The following SMYD1 variants were observed in gnomAD, a reference collection of about 807,000 sequenced individuals.
The protein encoded by SMYD1 is histone-lysine N-methyltransferase SMYD1.
SMYD1 carries 49 observed loss-of-function variants against 54.0 expected under a neutral mutation model. The observed-to-expected ratio is 0.91, with a 90% confidence interval of 0.72 to 1.15. SMYD1 has a LOEUF of 1.15. SMYD1 is among the 50% of genes most tolerant of loss of function. The pLI is 0.00. For synonymous variants in SMYD1, 269 were observed against 234.2 expected, an observed-to-expected ratio of 1.15 and a Z score of -1.36; for missense variants, 653 against 639.6, an observed-to-expected ratio of 1.02 and a Z score of -0.23.
chr2:88,084,171 T>C, intron 1 of SMYD1, 145 bp from the exon 2 acceptor site: 1 of 625,926 alleles, frequency 1.6e-6, no homozygotes, highest in South Asian at 4.4e-5. Flanking sequence ...AGGCTCAAAC[T>C]CCTCATTTTG....
Position 88,103,071 on chromosome 2 carries a change from T to C in SMYD1, c.902T>C (p.Val301Ala). Residue 301 changes from valine to alanine, a missense_variant, in exon 7 of 10, where the codon GTG becomes GCG. By Grantham distance (64) the Val-to-Ala change is moderately conservative (BLOSUM62 0). Coordinates refer to ENST00000419482, the MANE Select transcript of SMYD1 (RefSeq NM_198274.4). ...VKDNPKPSQE[V>A]VKEMIQFSKD... is the part of the protein sequence containing the mutation. The stretch of plus-strand genomic sequence containing the variant: ...TCTCTTTCCCAGCCCTCTCAGGAAG[T>C]GGTGAAGGAGATGATACAATTCTCC... The C allele has an allele frequency of 6.2e-7, 1 of 1,613,962 alleles. No individual in the cohort carries two copies. Among genetic ancestry groups the C allele is most frequent in the Non-Finnish European group, 8.5e-7 (1 of 1,179,946 alleles).
In SMYD1 at chr2:88,092,110, A is replaced by AAAAGAGG. The variant is rs547101940; in HGVS notation, c.659+971_659+977dup. ...CCAGCCAGCTGGCACCATGGCTCAG[A>AAAAGAGG]AAAGAGGAAGCCAATGGACTAGATA... On this transcript the variant is annotated intron_variant, in intron 4 of 9. Transcript: ENST00000419482. Among the ~76,000 whole-genome samples the AAAAGAGG allele has an allele frequency of 3.0e-4, 45 of 152,200 alleles. 1 individual carries two copies. In the East Asian group the frequency reaches 8.3e-3, roughly 28 times the overall value.
At chr2:88,084,628 C>T (rs1301478559) in intron 2 of SMYD1, 136 bp downstream of exon 2, 7 of 722,464 alleles carry the variant, frequency 9.7e-6, no homozygotes, top group Non-Finnish European at 1.3e-5. Flanking sequence ...TGGATATGGT[C>T]ACTTCTCTTC....
At chr2:88,068,843 CATTTT>C (rs1426234563) in intron 1 of SMYD1, among the ~76,000 whole-genome samples, 41 of 152,214 alleles carry the variant, frequency 2.7e-4, no homozygotes, top group African/African-American at 8.7e-4. Flanking sequence ...AAATATATGA[CATTTT>C]ATTTATCCAT....
intron 3 of SMYD1, 90 bp downstream of exon 3, chr2:88,088,165 G>A (rs1176360642): frequency 1.4e-6 from 2 of 1,379,446 alleles, no homozygotes; most frequent in South Asian, 1.5e-5. Flanking sequence ...CTTCTCAGAA[G>A]TGAACTAAGA....
chr2:88,072,184 T>C (rs1673963061), intron 1 of SMYD1, among the ~76,000 whole-genome samples: 1 of 152,208 alleles, frequency 6.6e-6, no homozygotes, highest in Non-Finnish European at 1.5e-5. Flanking sequence ...GAAATCTTGC[T>C]CTGTCAGCCA....
At chr2:88,084,269 C>G in intron 1 of SMYD1, 47 bp from the exon 2 acceptor site, 3 of 1,502,042 alleles carry the variant, frequency 2.0e-6, no homozygotes, top group Non-Finnish European at 1.8e-6. Flanking sequence ...TGCAGGGTGC[C>G]CTTTCCACTG....
chr2:88,103,739 CT>C (rs1674783109), intron 7 of SMYD1, among the ~76,000 whole-genome samples: 2 of 152,146 alleles, frequency 1.3e-5, no homozygotes, highest in Admixed American at 1.3e-4. Flanking sequence ...CCGAGACCCA[CT>C]GCCAAACACT....
Position 88,084,441 on chromosome 2 carries a change from A to G in SMYD1, c.263A>G (p.Asn88Ser), listed in dbSNP as rs149727054. 15 of 1,606,402 alleles carry G rather than the reference A, an allele frequency of 9.3e-6. No homozygotes were observed. The highest frequency in any genetic ancestry group is 5.3e-5 in the African/African-American group (4 of 74,878). ...AAGGATGCTTGGCTGAACCACAAGA[A>G]TGAATGTTCGGCCATCAAGAGATAT... ...CQKDAWLNHK[N>S]ECSAIKRYGK... The change falls in exon 2 of 10, where the codon AAT (asparagine) becomes AGT (serine). Residue 88 changes from asparagine (N) to serine (S), a missense_variant. By Grantham distance (46) the Asn-to-Ser change is conservative. Coordinates refer to ENST00000419482, the MANE Select transcript of SMYD1 (RefSeq NM_198274.4).
chr2:88,069,845 ATCT>A (rs1673907900), intron 1 of SMYD1, among the ~76,000 whole-genome samples: 1 of 152,202 alleles, frequency 6.6e-6, no homozygotes, highest in Non-Finnish European at 1.5e-5. Context: ...TAATTTTGAC[ATCT>A]TCTGTGCTAT....
intron 4 of SMYD1, among the ~76,000 whole-genome samples, chr2:88,091,862 T>C (rs1297069738): frequency 6.6e-6 from 1 of 152,048 alleles, no homozygotes; most frequent in Non-Finnish European, 1.5e-5. Context: ...AGACCTTGTC[T>C]CTAAAACCAA....
chr2:88,105,612 T>C (rs944342674), intron 7 of SMYD1, among the ~76,000 whole-genome samples: 7 of 152,158 alleles, frequency 4.6e-5, no homozygotes, highest in Non-Finnish European at 1.0e-4. Flanking sequence ...TTGTATTGTT[T>C]TTTGCTGTTG....
chr2:88,092,460 C>G (rs1674483905), intron 4 of SMYD1, among the ~76,000 whole-genome samples: 1 of 152,112 alleles, frequency 6.6e-6, no homozygotes, highest in Non-Finnish European at 1.5e-5. Flanking sequence ...TTTGAGCCAT[C>G]AACAATGAGC....
chr2:88,067,900 C>T lies in SMYD1; in HGVS notation c.36C>T (p.Phe12=). Residue 12 remains phenylalanine, a synonymous_variant, in exon 1 of 10, where the codon TTC becomes TTT. Coordinates refer to ENST00000419482, the MANE Select transcript of SMYD1 (RefSeq NM_198274.4). The stretch of plus-strand genomic sequence containing the variant: ...GGAGAATGGAGAACGTGGAGGTCTT[C>T]ACCGCTGAGGGCAAAGGAAGGGGTC... ...TIGRMENVEV[F]TAEGKGRGLK... is the part of the protein sequence containing the mutation. 1 of 1,614,020 alleles carries T rather than the reference C, an allele frequency of 6.2e-7. No homozygotes were observed. The highest frequency in any genetic ancestry group is 8.5e-7 in the Non-Finnish European group (1 of 1,180,024).
chr2:88,070,884 A>G (rs981642816), intron 1 of SMYD1, among the ~76,000 whole-genome samples: 12 of 147,998 alleles, frequency 8.1e-5, no homozygotes, highest in African/African-American at 2.2e-4. Context: ...CAGAGGTTGC[A>G]ATGAGCCAAG....
intron 4 of SMYD1, among the ~76,000 whole-genome samples, chr2:88,092,272 G>A (rs888016479): frequency 6.6e-6 from 1 of 152,124 alleles, no homozygotes; most frequent in African/African-American, 2.4e-5. Context: ...CAGATGAGGG[G>A]GGACATAAGG....
intron 4 of SMYD1, 47 bp downstream of exon 4, chr2:88,091,189 C>G: frequency 1.3e-6 from 2 of 1,575,320 alleles, no homozygotes; most frequent in Non-Finnish European, 1.7e-6. Flanking sequence ...GATGGGGAGA[C>G]CTATGGTGTT....
At chr2:88,090,133 A>T (rs1194144731) in intron 3 of SMYD1, among the ~76,000 whole-genome samples, 1 of 152,230 alleles carries the variant, frequency 6.6e-6, no homozygotes, top group African/African-American at 2.4e-5. Context: ...AGTGGTACTC[A>T]GAGGCTTAAC....
intron 1 of SMYD1, among the ~76,000 whole-genome samples, chr2:88,081,060 G>A (rs1282194689): frequency 2.6e-5 from 4 of 152,020 alleles, no homozygotes; most frequent in East Asian, 1.9e-4. Context: ...CCGTCACCAC[G>A]CCCAACTAAT....
Sources: gnomAD v4.1 joint callset for allele counts (sites outside exome capture counted in the v4.1 genomes callset) on GRCh38, gnomAD v4.1.1 for gene constraint, MANE v1.5 for transcripts, NCBI Gene and HGNC (gene_info 2026-07-23, HGNC 2026-07-21) for gene names.